FBXO46: variants seen among roughly 807,000 people sequenced by gnomAD.
FBXO46 encodes F-box only protein 46.
In FBXO46, 13 loss-of-function variants were observed where a neutral mutation model predicts 30.7. That is an observed-to-expected ratio of 0.42 (90% CI 0.28 to 0.67). The LOEUF (loss-of-function observed/expected upper bound fraction) is 0.67, where lower values mean the gene tolerates loss of function less well. Among genes scored for constraint, FBXO46 ranks in the 30% least tolerant of loss-of-function variants. The pLI is 0.21. For synonymous variants in FBXO46, 467 were observed against 385.8 expected (o/e 1.21, Z -2.47); for missense variants, 754 against 871.5 (o/e 0.87, Z 1.70).
intron 1 of FBXO46, among the ~76,000 whole-genome samples, chr19:45,718,247 T>C (rs1378136253): frequency 1.3e-5 from 2 of 152,116 alleles, no homozygotes; most frequent in Non-Finnish European, 1.5e-5. Context: ...GTCTCCACGG[T>C]ATGGATGAAG....
upstream of FBXO46, among the ~76,000 whole-genome samples, chr19:45,731,855 C>T (rs1968319865): frequency 2.0e-5 from 3 of 151,332 alleles, no homozygotes; most frequent in Non-Finnish European, 4.4e-5. Flanking sequence ...CGGTGGCTCA[C>T]GCCTGTAGTC....
rs1967975060 is a variant in FBXO46 at position 45,711,816 on chromosome 19, ACGT to A, written c.1677_1679del (p.Arg560del). ...CTCGACGGCAGCACATCCAGTAGGA[ACGT>A]CCGTAAGGCAGGTCATGGTGGTAGG... is the stretch of plus-strand genomic sequence containing the variant. On this transcript the variant is annotated inframe_deletion, in exon 2 of 2. Coordinates refer to ENST00000317683, the MANE Select transcript of FBXO46 (RefSeq NM_001080469.2). 1 of 1,612,822 alleles carries A rather than the reference ACGT, an allele frequency of 6.2e-7. No homozygotes were observed.
At chr19:45,731,601 C>T (rs138211385), upstream of FBXO46, among the ~76,000 whole-genome samples, 546 of 150,280 alleles carry the variant, frequency 3.6e-3, 3 homozygotes, top group African/African-American at 0.013. Flanking sequence ...AGGCGTGAGC[C>T]ACCGCGCCCG....
intron 1 of FBXO46, among the ~76,000 whole-genome samples, chr19:45,721,575 C>T (rs1358736639): frequency 2.0e-5 from 2 of 101,650 alleles, no homozygotes; most frequent in African/African-American, 7.6e-5. Context: ...TTTTTTTTGA[C>T]AGGGTCTTGT....
At position 45,711,651 on chromosome 19, in the gene FBXO46, G is replaced by A. The variant is rs2146141524; in HGVS notation, c.*33C>T. 2 of 1,480,496 alleles carry A rather than the reference G, an allele frequency of 1.4e-6. No homozygotes were observed. The highest frequency in any genetic ancestry group is 1.8e-6 in the Non-Finnish European group (2 of 1,097,182). The allele number at this position is 1,480,496 out of a possible 1,614,324, so 91.7% of individuals were successfully genotyped here. A position where few individuals can be genotyped will look rare whatever the true frequency, so the allele number is the denominator to read the frequency against. On this transcript the variant is annotated 3_prime_UTR_variant, in exon 2 of 2. Transcript: ENST00000317683. ...TCCCGGGGGGAGAGGGGAGGGGTGGGCGTGGTGGGCTCTCCCCTCCCCTCC... is the reference window on the plus strand; with the variant it reads ...TCCCGGGGGGAGAGGGGAGGGGTGGACGTGGTGGGCTCTCCCCTCCCCTCC...
intron 1 of FBXO46, among the ~76,000 whole-genome samples, chr19:45,727,051 AG>A (rs1968249400): frequency 6.6e-6 from 1 of 152,012 alleles, no homozygotes; most frequent in African/African-American, 2.4e-5. Context: ...TGAGGTCAGG[AG>A]TTCAAGATCA....
upstream of FBXO46, among the ~76,000 whole-genome samples, chr19:45,732,934 C>T (rs1330562988): frequency 6.6e-6 from 1 of 151,940 alleles, no homozygotes; most frequent in East Asian, 1.9e-4. Flanking sequence ...TCCCGTCTCA[C>T]CGGATTCTCA....
chr19:45,725,110 G>A (rs1968220310), intron 1 of FBXO46, among the ~76,000 whole-genome samples: 2 of 152,126 alleles, frequency 1.3e-5, no homozygotes, highest in African/African-American at 4.8e-5. Context: ...GGGCAACAGA[G>A]ACAGGCCCTG....
In FBXO46 at chr19:45,712,789, G is replaced by A. The variant is rs1016374236; in HGVS notation, c.707C>T (p.Ala236Val). The change falls in exon 2 of 2, where the codon GCG (alanine) becomes GTG (valine). Residue 236 changes from alanine to valine, a missense_variant. Physicochemically the swap from Ala to Val is moderately conservative, Grantham distance 64. Around this residue, in one of 5 missense-constraint regions of FBXO46, gnomAD observed 454 missense variants for 426.5 expected, o/e 1.06. Transcript: ENST00000317683. The surrounding 1 kb of genome is among the most constrained non-coding windows in gnomAD (Gnocchi z 8.8). ...RVAEAVAHFE[A>V]QRDSPPTKGL... ...CTTGGTGGGAGGGCTGTCCCTCTGCGCTTCAAAGTGGGCCACGGCCTCGGC... is the reference window on the plus strand; with the variant it reads ...CTTGGTGGGAGGGCTGTCCCTCTGCACTTCAAAGTGGGCCACGGCCTCGGC... The A allele has an allele frequency of 2.5e-6, 4 of 1,611,570 alleles. No individual in the cohort carries two copies. Among genetic ancestry groups the A allele is most frequent in the Non-Finnish European group, 3.4e-6 (4 of 1,178,880 alleles).
At chr19:45,732,738 G>A (rs1467485626), upstream of FBXO46, among the ~76,000 whole-genome samples, 2 of 151,200 alleles carry the variant, frequency 1.3e-5, no homozygotes, top group Non-Finnish European at 2.9e-5. Flanking sequence ...CTACAGGCGC[G>A]CCCCACCATG....
chr19:45,713,652 T>G lies in FBXO46; in HGVS notation c.-78-79A>C, dbSNP rs1968039188. ...GACCACCCCAACCTCCACCTCTCCT[T>G]AGACCAAACCAGACCATCAAGAACT... On this transcript the variant is annotated intron_variant, in intron 1 of 1. Coordinates refer to ENST00000317683, the MANE Select transcript of FBXO46 (RefSeq NM_001080469.2). The surrounding 1 kb of genome is among the most constrained non-coding windows in gnomAD (Gnocchi z 4.7). 5 of 620,098 alleles carry G rather than the reference T, an allele frequency of 8.1e-6. No individual in the cohort carries two copies. In the South Asian group the frequency reaches 1.1e-4, roughly 13 times the overall value. 38.4% of individuals were successfully genotyped at this position (620,098 alleles called of 1,614,324 possible). A position where few individuals can be genotyped will look rare whatever the true frequency, so the allele number is the denominator to read the frequency against.
In FBXO46 at chr19:45,714,030, G is replaced by C. The variant is rs188708504; in HGVS notation, c.-78-457C>G. On this transcript the variant is annotated intron_variant, in intron 1 of 1. Transcript: ENST00000317683. Reference sequence around the variant, plus strand: ...ACTGCCATGCTCAGGTGAGCAGACAGAGGTTGCAGAGGGGATGAGAGATGC... The same window carrying C: ...ACTGCCATGCTCAGGTGAGCAGACACAGGTTGCAGAGGGGATGAGAGATGC... Among the ~76,000 whole-genome samples, 55 of 148,464 alleles carry C rather than the reference G, an allele frequency of 3.7e-4. 4 individuals are homozygous for C. In the South Asian group the frequency reaches 0.012, roughly 31 times the overall value.
At chr19:45,721,921 AC>A (rs1968178129) in intron 1 of FBXO46, among the ~76,000 whole-genome samples, 1 of 146,766 alleles carries the variant, frequency 6.8e-6, no homozygotes, top group South Asian at 2.2e-4. Flanking sequence ...TCTCACTGTA[AC>A]CTCCACCTCC....
chr19:45,717,562 G>A (rs1026225126), intron 1 of FBXO46, among the ~76,000 whole-genome samples: 6 of 152,310 alleles, frequency 3.9e-5, no homozygotes, highest in African/African-American at 1.4e-4. Context: ...CCGGATGCAA[G>A]GGAGCGTGGA....
Position 45,711,365 on chromosome 19 carries a change from C to T in FBXO46, c.*319G>A. On this transcript the variant is annotated 3_prime_UTR_variant, in exon 2 of 2. Transcript: ENST00000317683. ...ACCAAAATTAGCTGCCGTCTGCTCC[C>T]TGCTGGTGGGTCCTTGGGGTGGAAA... is the stretch of plus-strand genomic sequence containing the variant. The T allele has an allele frequency of 1.8e-6, 1 of 555,444 alleles. No individual in the cohort carries two copies. The highest frequency in any genetic ancestry group is 1.6e-5 in the South Asian group (1 of 64,346). The allele number at this position is 555,444 out of a possible 1,614,324, so 34.4% of individuals were successfully genotyped here. A position where few individuals can be genotyped will look rare whatever the true frequency, so the allele number is the denominator to read the frequency against.
intron 1 of FBXO46, among the ~76,000 whole-genome samples, chr19:45,718,475 C>T (rs1173305488): frequency 1.3e-5 from 2 of 152,108 alleles, no homozygotes; most frequent in African/African-American, 4.8e-5. Context: ...GGCGTCCATG[C>T]GGTGGGCTCA....
At chr19:45,730,375 C>T (rs1047283100) in intron 1 of FBXO46, among the ~76,000 whole-genome samples, 6 of 151,990 alleles carry the variant, frequency 3.9e-5, no homozygotes, top group African/African-American at 1.5e-4. Context: ...CTCTATCCTA[C>T]CACTGATTTC....
At position 45,711,109 on chromosome 19, in the gene FBXO46, C is replaced by T. The variant is rs1193691311; in HGVS notation, c.*575G>A. ...TTAAGGAGAAAACAGTATTTCCCCCCCACTTCTTTAATAGGCAAACCATCT... is the reference window on the plus strand; with the variant it reads ...TTAAGGAGAAAACAGTATTTCCCCCTCACTTCTTTAATAGGCAAACCATCT... On this transcript the variant is annotated 3_prime_UTR_variant, in exon 2 of 2. Transcript: ENST00000317683. The T allele has an allele frequency of 2.8e-6, 1 of 361,624 alleles. No homozygotes were observed. The highest frequency in any genetic ancestry group is 9.3e-5 in the East Asian group (1 of 10,734). 22.4% of individuals were successfully genotyped at this position (361,624 alleles called of 1,614,324 possible).
Position 45,713,038 on chromosome 19 carries a change from G to A in FBXO46, c.458C>T (p.Pro153Leu). 1.3e-6 allele frequency: 2 copies of A among 1,560,172 alleles called. No homozygotes were observed. Among genetic ancestry groups the A allele is most frequent in the East Asian group, 2.3e-5 (1 of 43,888 alleles). The change falls in exon 2 of 2, where the codon CCC becomes CTC. Residue 153 changes from proline (P) to leucine (L), a missense_variant. By Grantham distance (98) the Pro-to-Leu change is moderately conservative. This residue lies in a region of FBXO46 where 454 missense variants were observed against 426.5 expected (regional missense o/e 1.06). Coordinates refer to ENST00000317683, the MANE Select transcript of FBXO46 (RefSeq NM_001080469.2). The surrounding 1 kb of genome is among the most constrained non-coding windows in gnomAD (Gnocchi z 4.7). Reference sequence around the variant, plus strand: ...GGCGGGGCCCTCCTCAGCAGCAGGGGGGCCCTCCCGGCCCCCTGGGTCAGG... The same window carrying A: ...GGCGGGGCCCTCCTCAGCAGCAGGGAGGCCCTCCCGGCCCCCTGGGTCAGG... ...APPDPGGREG[P>L]PAAEEGPASA...
Sources: gnomAD v4.1 joint callset for allele counts (sites outside exome capture counted in the v4.1 genomes callset) on GRCh38, gnomAD v4.1.1 for gene constraint, gnomAD v4.1.1 regional missense constraint, Gnocchi (gnomAD v3.1) non-coding constraint, MANE v1.5 for transcripts, NCBI Gene and HGNC (gene_info 2026-07-23, HGNC 2026-07-21) for gene names.